DNAH8: variants seen among roughly 807,000 people sequenced by gnomAD.
DNAH8 encodes the protein dynein axonemal heavy chain 8.
In DNAH8, 382 loss-of-function variants were observed where a neutral mutation model predicts 562.1. The ratio of observed to expected loss-of-function variants is 0.68; its 90% CI spans 0.63 to 0.74. The LOEUF (loss-of-function observed/expected upper bound fraction) is 0.74. Among genes scored for constraint, DNAH8 ranks in the 30% least tolerant of loss-of-function variants. The probability of loss-of-function intolerance (pLI) is 0.00; values close to 1 mark genes in which losing one functional copy is unlikely to be tolerated. For synonymous variants in DNAH8, 1,881 were observed against 1,919.4 expected, an observed-to-expected ratio of 0.98 and a Z score of 0.52; for missense variants, 5,203 against 5,620.4, an observed-to-expected ratio of 0.93 and a Z score of 2.37.
chr6:38,760,366 A>G (rs1678677), intron 10 of DNAH8, among the ~76,000 whole-genome samples: 8 of 151,908 alleles, frequency 5.3e-5, no homozygotes, highest in Non-Finnish European at 2.9e-5. Flanking sequence ...TGGTGCTAAT[A>G]TGATTCTTGT....
chr6:38,776,613 A>G (rs1446763055), intron 13 of DNAH8, among the ~76,000 whole-genome samples: 1 of 152,156 alleles, frequency 6.6e-6, no homozygotes, highest in Non-Finnish European at 1.5e-5. Context: ...GTGTGATGAG[A>G]TTTGAGAACA....
At chr6:38,732,798 G>A (rs1763756777) in intron 4 of DNAH8, among the ~76,000 whole-genome samples, 1 of 152,144 alleles carries the variant, frequency 6.6e-6, no homozygotes, top group Non-Finnish European at 1.5e-5. Context: ...CAGAATCACA[G>A]GGCAGGAGGA....
chr6:39,028,779 T>A (rs1363113357), intron 92 of DNAH8, among the ~76,000 whole-genome samples: 1 of 152,224 alleles, frequency 6.6e-6, no homozygotes, highest in Non-Finnish European at 1.5e-5. Flanking sequence ...TAGTTGATTG[T>A]CACCCACTGA....
intron 8 of DNAH8, among the ~76,000 whole-genome samples, chr6:38,748,475 T>C (rs1220895775): frequency 6.6e-6 from 1 of 152,180 alleles, no homozygotes; most frequent in East Asian, 1.9e-4. Flanking sequence ...TTTTTCAAAA[T>C]GGTTTTGTTC....
At chr6:38,806,706 G>A (rs1443338380) in intron 23 of DNAH8, among the ~76,000 whole-genome samples, 4 of 151,866 alleles carry the variant, frequency 2.6e-5, no homozygotes, top group Non-Finnish European at 5.9e-5. Flanking sequence ...GCGTGAACCC[G>A]GGAGGCAGAG....
At chr6:38,891,554 T>TG (rs979753019) in intron 58 of DNAH8, among the ~76,000 whole-genome samples, 7 of 152,182 alleles carry the variant, frequency 4.6e-5, no homozygotes, top group African/African-American at 7.2e-5. Context: ...AAGAGGAATT[T>TG]GGGGGTTTCT....
At chr6:38,825,462 AG>A (rs1366775820) in intron 28 of DNAH8, among the ~76,000 whole-genome samples, 3 of 152,206 alleles carry the variant, frequency 2.0e-5, no homozygotes, top group Non-Finnish European at 4.4e-5. Context: ...CCCAGAATCC[AG>A]GGTGCAACTG....
rs182261232 is a variant in DNAH8 at position 38,922,460 on chromosome 6, T to C, written c.10663-598T>C. On this transcript the variant is annotated intron_variant, in intron 71 of 92. Transcript: ENST00000327475. ...TACAACGGTCTTAACCTCAAAACCA[T>C]AGATAATATTAACATTTAAATAATT... Among the ~76,000 whole-genome samples, 211 of 152,226 alleles carry C rather than the reference T, an allele frequency of 1.4e-3. 1 individual carries two copies. Among genetic ancestry groups the C allele is most frequent in the African/African-American group, 4.8e-3 (199 of 41,526 alleles).
In DNAH8 at chr6:38,864,034, C is replaced by T. The variant is rs762800922; in HGVS notation, c.6472C>T (p.Pro2158Ser). 22 of 1,607,196 alleles carry T rather than the reference C, an allele frequency of 1.4e-5. 1 individual carries two copies. In the South Asian group the frequency reaches 2.0e-4, roughly 15 times the overall value. ...TGATGGTGATTGTGTTGATTTAAATCCAGAATTTGGAATCTTCTTAACGAT... is the reference window on the plus strand; with the variant it reads ...TGATGGTGATTGTGTTGATTTAAATTCAGAATTTGGAATCTTCTTAACGAT... ...FSDGDCVDLN[P>S]EFGIFLTMNP... Residue 2158 changes from proline (P) to serine (S), a missense_variant, in exon 45 of 93, where the codon CCA becomes TCA. This residue lies in a region of DNAH8 where 2,176 missense variants were observed against 2,365.1 expected (regional missense o/e 0.92). Transcript: ENST00000327475.
intron 82 of DNAH8, among the ~76,000 whole-genome samples, chr6:38,962,542 T>A (rs572075351): frequency 6.6e-6 from 1 of 152,256 alleles, no homozygotes; most frequent in South Asian, 2.1e-4. Flanking sequence ...GAAAAGTGGG[T>A]TAGACAGTAA....
At chr6:38,732,172 A>G (rs1301355766) in intron 4 of DNAH8, among the ~76,000 whole-genome samples, 8 of 152,214 alleles carry the variant, frequency 5.3e-5, no homozygotes, top group Non-Finnish European at 1.2e-4. Context: ...TACCTCATTC[A>G]AAAAATTCGT....
chr6:38,917,193 A>T, intron 68 of DNAH8, 46 bp from the exon 69 acceptor site: 3 of 1,367,858 alleles, frequency 2.2e-6, no homozygotes, highest in South Asian at 1.4e-5. Flanking sequence ...TATAACTATT[A>T]ATACCACTCA....
chr6:38,977,378 A>C (rs1763745852), intron 85 of DNAH8, among the ~76,000 whole-genome samples: 1 of 151,850 alleles, frequency 6.6e-6, no homozygotes, highest in Non-Finnish European at 1.5e-5. Flanking sequence ...TGAAGCCCCC[A>C]CCCCTGCTGC....
chr6:38,730,047 A>G, intron 4 of DNAH8, 61 bp downstream of exon 4: 1 of 769,502 alleles, frequency 1.3e-6, no homozygotes, highest in South Asian at 1.6e-5. Context: ...AGTGCAGCAT[A>G]TTTTTTCTCT....
At chr6:38,791,465 A>G (rs558753541) in intron 20 of DNAH8, 90 bp from the exon 21 acceptor site, 15 of 1,424,942 alleles carry the variant, frequency 1.1e-5, no homozygotes, top group South Asian at 3.0e-5. Context: ...TAGCCTTCTA[A>G]ATTAATTTAT....
At position 38,945,473 on chromosome 6, in the gene DNAH8, C is replaced by G; in HGVS notation, c.12014C>G (p.Ala4005Gly). 6.2e-7 allele frequency: 1 copy of G among 1,614,066 alleles called. No homozygotes were observed. ...REFQALIKGG[A>G]ALDLKACPPK... is the part of the protein sequence containing the mutation. The stretch of plus-strand genomic sequence containing the variant: ...GTCTGACGCTCTTCCCCAGGGGGAG[C>G]AGCTCTGGACCTGAAAGCCTGTCCT... Residue 4005 changes from alanine (A) to glycine (G), a missense_variant, in exon 80 of 93, where the codon GCA becomes GGA. Coordinates refer to ENST00000327475, the MANE Select transcript of DNAH8 (RefSeq NM_001206927.2).
intron 27 of DNAH8, among the ~76,000 whole-genome samples, 187 bp downstream of exon 27, chr6:38,823,221 T>G (rs1773031419): frequency 6.6e-6 from 1 of 152,220 alleles, no homozygotes; most frequent in Non-Finnish European, 1.5e-5. Context: ...CAATTGATAT[T>G]ACTGAGGCTC....
intron 14 of DNAH8, 113 bp from the exon 15 acceptor site, chr6:38,779,853 A>G (rs1562756286): frequency 9.6e-7 from 1 of 1,044,428 alleles, no homozygotes; most frequent in Non-Finnish European, 1.4e-6. Context: ...AGGACAACGA[A>G]TGAGGGCTGG....
intron 3 of DNAH8, among the ~76,000 whole-genome samples, chr6:38,728,500 A>T (rs1334350285): frequency 7.8e-6 from 1 of 128,610 alleles, no homozygotes; most frequent in Non-Finnish European, 1.8e-5. Context: ...ATGTCTTTTT[A>T]TCCTAGTCAT....
Sources: allele counts gnomAD v4.1 joint callset (sites outside exome capture counted in the v4.1 genomes callset), GRCh38; gene constraint gnomAD v4.1.1; regional missense constraint gnomAD v4.1.1; transcripts MANE v1.5; gene names NCBI Gene and HGNC (gene_info 2026-07-23, HGNC 2026-07-21).